GSE1: variants seen among roughly 807,000 people sequenced by gnomAD.
GSE1 encodes the protein genetic suppressor element 1.
In GSE1, 32 loss-of-function variants were observed where a neutral mutation model predicts 112.6. The ratio of observed to expected loss-of-function variants is 0.28; its 90% CI spans 0.21 to 0.38. The LOEUF is 0.38. Ranked by LOEUF, GSE1 falls within the 10% of genes least tolerant of loss-of-function variation. The pLI is 1.00. For synonymous variants in GSE1, 1,115 were observed against 735.6 expected (o/e 1.52, Z -8.35); for missense variants, 2,348 against 1,699.2 (o/e 1.38, Z -6.71).
upstream of GSE1, among the ~76,000 whole-genome samples, chr16:85,607,668 A>G (rs2047770002): frequency 6.6e-6 from 1 of 152,202 alleles, no homozygotes; most frequent in South Asian, 2.1e-4. Flanking sequence ...CTCCCCCAGC[A>G]TCCCTGGCGA....
intron 1 of GSE1, among the ~76,000 whole-genome samples, chr16:85,616,510 C>T (rs2048380781): frequency 6.6e-6 from 1 of 152,214 alleles, no homozygotes; most frequent in Admixed American, 6.5e-5. Flanking sequence ...GATGGGGACC[C>T]TCTCTGGGTA....
At chr16:85,663,142 C>A in intron 10 of GSE1, 49 bp downstream of exon 10, 1 of 1,372,070 alleles carries the variant, frequency 7.3e-7, no homozygotes, top group Non-Finnish European at 1.0e-6. Context: ...GGCTCTCGTT[C>A]CTAGCGTCCA....
At chr16:85,325,998 C>T (rs1186482873) in intron 1 of GSE1, among the ~76,000 whole-genome samples, 1 of 151,674 alleles carries the variant, frequency 6.6e-6, no homozygotes, top group East Asian at 1.9e-4. Context: ...CCACCCGCCT[C>T]AGCCTCCCAA....
chr16:85,365,839 C>G (rs1330920889), intron 2 of GSE1, among the ~76,000 whole-genome samples: 1 of 152,220 alleles, frequency 6.6e-6, no homozygotes, highest in Non-Finnish European at 1.5e-5. Context: ...ACTCCCTCTC[C>G]CTGAGTTCCA....
At chr16:85,300,947 A>AG (rs1322305588) in intron 1 of GSE1, among the ~76,000 whole-genome samples, 3 of 152,176 alleles carry the variant, frequency 2.0e-5, no homozygotes, top group Non-Finnish European at 4.4e-5. Flanking sequence ...GAGAAGGGGA[A>AG]GACATAGGCA....
At chr16:85,567,268 G>A (rs2045797840) in intron 1 of GSE1, among the ~76,000 whole-genome samples, 1 of 152,192 alleles carries the variant, frequency 6.6e-6, no homozygotes, top group Non-Finnish European at 1.5e-5. Context: ...AAGACTTCAT[G>A]AGCAAGTGTG....
intron 2 of GSE1, among the ~76,000 whole-genome samples, chr16:85,470,180 T>A (rs1448605928): frequency 6.6e-6 from 1 of 152,246 alleles, no homozygotes; most frequent in Non-Finnish European, 1.5e-5. Context: ...GCTGGGCTGT[T>A]CATGCTGTGC....
At chr16:85,627,975 G>A (rs942104453) in intron 1 of GSE1, among the ~76,000 whole-genome samples, 6 of 152,148 alleles carry the variant, frequency 3.9e-5, no homozygotes, top group Non-Finnish European at 8.8e-5. Context: ...AGGGCTGGGG[G>A]CTTCGTGCCG....
chr16:85,171,142 G>A (rs2143119446), exon 1 of GSE1: 4 of 985,638 alleles, frequency 4.1e-6, no homozygotes, highest in East Asian at 1.1e-4. Flanking sequence ...GTGCTTCAGC[G>A]TCCTGGAGGA....
At chr16:85,400,250 TGTGTGTGTG>T (rs1284040055) in intron 2 of GSE1, among the ~76,000 whole-genome samples, 1 of 1,034 alleles carries the variant, frequency 9.7e-4, no homozygotes, top group East Asian at 0.045. Flanking sequence ...AGTGTAGGGT[TGTGTGTGTG>T]TGTGTGTGTG....
At chr16:85,599,036 C>T (rs962102087) in intron 1 of GSE1, among the ~76,000 whole-genome samples, 2 of 152,294 alleles carry the variant, frequency 1.3e-5, no homozygotes, top group Admixed American at 6.5e-5. Context: ...TTCCAGTAAC[C>T]GCAGGAGACG....
intron 2 of GSE1, among the ~76,000 whole-genome samples, chr16:85,381,515 T>A (rs1356302217): frequency 1.3e-5 from 2 of 152,224 alleles, no homozygotes; most frequent in Non-Finnish European, 2.9e-5. Context: ...TTTCATTTTG[T>A]TTAACAAGCA....
intron 1 of GSE1, among the ~76,000 whole-genome samples, chr16:85,231,701 G>T (rs1288172826): frequency 6.6e-6 from 1 of 152,188 alleles, no homozygotes; most frequent in Admixed American, 6.5e-5. Context: ...TGATGACCAT[G>T]TTGGGTCTTC....
At chr16:85,648,792 G>A (rs1475936416) in intron 3 of GSE1, 41 bp downstream of exon 3, 1 of 1,239,964 alleles carries the variant, frequency 8.1e-7, no homozygotes, top group East Asian at 2.6e-5. Context: ...CCTCTAAGTG[G>A]GGAGGCTGGA....
chr16:85,382,193 G>A (rs2047562951), intron 2 of GSE1, among the ~76,000 whole-genome samples: 1 of 152,194 alleles, frequency 6.6e-6, no homozygotes, highest in Admixed American at 6.5e-5. Context: ...GCTCGCTCAG[G>A]CGGCCCTCGA....
chr16:85,511,759 C>G (rs2051754437), intron 2 of GSE1, among the ~76,000 whole-genome samples: 1 of 152,098 alleles, frequency 6.6e-6, no homozygotes. Context: ...GATGCAGCCA[C>G]AAGCCAAGGA....
At chr16:85,401,646 G>A (rs943247612) in intron 2 of GSE1, among the ~76,000 whole-genome samples, 1 of 152,210 alleles carries the variant, frequency 6.6e-6, no homozygotes, top group African/African-American at 2.4e-5. Flanking sequence ...CCCAGGCTGG[G>A]ACAAGTGGCT....
intron 1 of GSE1, among the ~76,000 whole-genome samples, chr16:85,292,407 C>T (rs988255425): frequency 9.2e-5 from 14 of 151,730 alleles, no homozygotes; most frequent in African/African-American, 3.4e-4. Flanking sequence ...TGGCTCACTG[C>T]AACCTCCGCC....
chr16:85,278,087 C>T lies in GSE1; in HGVS notation c.2284-79376C>T, dbSNP rs573473647. ...CACAGCTGTCCCGCGAGGAAGGTCA[C>T]GGGCATGGCCCCGTTTTACAGATGA... On this transcript the variant is annotated intron_variant, in intron 1 of 2. Transcript: ENST00000637419. Among the ~76,000 whole-genome samples, 16 of 152,386 alleles carry T rather than the reference C, an allele frequency of 1.0e-4. No individual in the cohort carries two copies. In the East Asian group the frequency reaches 1.7e-3, roughly 17 times the overall value.
Sources: allele counts gnomAD v4.1 joint callset (sites outside exome capture counted in the v4.1 genomes callset), GRCh38; gene constraint gnomAD v4.1.1; transcripts MANE v1.5; gene names NCBI Gene and HGNC (gene_info 2026-07-23, HGNC 2026-07-21).